NXPH2: variants seen among roughly 807,000 people sequenced by gnomAD.
The protein encoded by NXPH2 is neurexophilin 2.
A neutral mutation model predicts 19.8 loss-of-function variants in NXPH2; 5 were observed. That is an observed-to-expected ratio of 0.25 (90% CI 0.13 to 0.53). The LOEUF is 0.53. NXPH2 is among the 20% of genes least tolerant of loss of function. The probability of loss-of-function intolerance (pLI) is 0.96; values close to 1 mark genes in which losing one functional copy is unlikely to be tolerated. For missense variants in NXPH2, 289 were observed against 322.8 expected (o/e 0.90, Z 0.80); for synonymous variants, 154 against 127.4 (o/e 1.21, Z -1.41).
At chr2:138,674,219 T>A (rs868558537) in intron 1 of NXPH2, among the ~76,000 whole-genome samples, 1 of 152,066 alleles carries the variant, frequency 6.6e-6, no homozygotes, top group African/African-American at 2.4e-5. Flanking sequence ...AGTGGTGCAA[T>A]CTCAGCTTAC....
intron 1 of NXPH2, among the ~76,000 whole-genome samples, chr2:138,703,297 T>C (rs902762352): frequency 6.6e-6 from 1 of 152,176 alleles, no homozygotes; most frequent in Non-Finnish European, 1.5e-5. Context: ...ACATACCCTC[T>C]GAGAGTCTAA....
Position 138,780,257 on chromosome 2 carries a change from G to T in NXPH2, c.-16C>A. On this transcript the variant is annotated 5_prime_UTR_variant, in exon 1 of 2. Coordinates refer to ENST00000272641, the MANE Select transcript of NXPH2 (RefSeq NM_007226.3). ...GCAGGCGCATGGTGCCGGCTGGCGC[G>T]GCTTTTCACGAGCTGCGCGCCCTCG... is the stretch of plus-strand genomic sequence containing the variant. The T allele has an allele frequency of 2.1e-6, 3 of 1,421,616 alleles. No homozygotes were observed. The highest frequency in any genetic ancestry group is 1.5e-5 in the South Asian group (1 of 66,558). The allele number at this position is 1,421,616 out of a possible 1,614,324, so 88.1% of individuals were successfully genotyped here. A position where few individuals can be genotyped will look rare whatever the true frequency, so the allele number is the denominator to read the frequency against.
chr2:138,741,369 G>A (rs1681639433), intron 1 of NXPH2, among the ~76,000 whole-genome samples: 1 of 152,190 alleles, frequency 6.6e-6, no homozygotes. Flanking sequence ...GCTCAGAAAT[G>A]CTGGTGGAAG....
intron 1 of NXPH2, among the ~76,000 whole-genome samples, chr2:138,687,729 A>G (rs1680682949): frequency 6.6e-6 from 1 of 152,210 alleles, no homozygotes; most frequent in East Asian, 1.9e-4. Flanking sequence ...GGTGTAAGGA[A>G]GGGATCAAGT....
Position 138,669,872 on chromosome 2 carries a change from A to G in NXPH2, c.*1050T>C, listed in dbSNP as rs917875819. Among the ~76,000 whole-genome samples, 10 of 152,236 alleles carry G rather than the reference A, an allele frequency of 6.6e-5. No homozygotes were observed. ...GCACTTAATAATTAGAAATGTTTAA[A>G]TATAACTCTCTATTTCCACATAGAG... On this transcript the variant is annotated 3_prime_UTR_variant, in exon 2 of 2. Transcript: ENST00000272641.
At chr2:138,756,609 C>T (rs1267101153) in intron 1 of NXPH2, among the ~76,000 whole-genome samples, 3 of 152,084 alleles carry the variant, frequency 2.0e-5, no homozygotes, top group Admixed American at 2.0e-4. Context: ...TATCAATCCA[C>T]AATAATAATT....
intron 1 of NXPH2, among the ~76,000 whole-genome samples, chr2:138,777,196 T>A (rs1458432387): frequency 6.6e-6 from 1 of 152,118 alleles, no homozygotes. Flanking sequence ...AGTCTTTACC[T>A]TGTATCATGA....
At chr2:138,777,831 TAAAA>T (rs11299940) in intron 1 of NXPH2, among the ~76,000 whole-genome samples, 2,589 of 92,996 alleles carry the variant, frequency 0.028, 83 homozygotes, top group African/African-American at 0.1. Flanking sequence ...ACCAAAAAAT[TAAAA>T]AAAAAAAAAA....
chr2:138,746,923 C>G (rs1681746456), intron 1 of NXPH2, among the ~76,000 whole-genome samples: 1 of 152,072 alleles, frequency 6.6e-6, no homozygotes, highest in Non-Finnish European at 1.5e-5. Flanking sequence ...AAACGCAGTG[C>G]CTGGCCCTGA....
At chr2:138,724,386 G>A (rs1249412849) in intron 1 of NXPH2, among the ~76,000 whole-genome samples, 1 of 152,202 alleles carries the variant, frequency 6.6e-6, no homozygotes, top group Admixed American at 6.5e-5. Context: ...AGGATGTGAT[G>A]AGGCTATGGG....
At chr2:138,769,628 T>C (rs1372930657) in intron 1 of NXPH2, among the ~76,000 whole-genome samples, 9 of 152,114 alleles carry the variant, frequency 5.9e-5, no homozygotes, top group Non-Finnish European at 1.5e-5. Flanking sequence ...CTGAAGTTTT[T>C]TCCCCATGTG....
intron 1 of NXPH2, among the ~76,000 whole-genome samples, chr2:138,765,603 TA>T (rs1336701164): frequency 6.6e-6 from 1 of 152,192 alleles, no homozygotes; most frequent in African/African-American, 2.4e-5. Context: ...TACATTTCAG[TA>T]AACTTGAAAA....
chr2:138,727,279 T>C (rs1206013935), intron 1 of NXPH2, among the ~76,000 whole-genome samples: 1 of 152,222 alleles, frequency 6.6e-6, no homozygotes, highest in Non-Finnish European at 1.5e-5. Context: ...TCAACTTATC[T>C]GGATAAATAT....
intron 1 of NXPH2, among the ~76,000 whole-genome samples, chr2:138,716,755 G>T (rs1409506236): frequency 6.6e-6 from 1 of 152,140 alleles, no homozygotes; most frequent in Non-Finnish European, 1.5e-5. Context: ...TGACACAGTG[G>T]AAAAAATACT....
At chr2:138,764,924 TAAG>T (rs1257551357) in intron 1 of NXPH2, among the ~76,000 whole-genome samples, 1 of 152,204 alleles carries the variant, frequency 6.6e-6, no homozygotes, top group African/African-American at 2.4e-5. Flanking sequence ...AGTGGATGTA[TAAG>T]AATATGAATG....
intron 1 of NXPH2, among the ~76,000 whole-genome samples, chr2:138,735,693 A>C (rs1471375095): frequency 6.6e-6 from 1 of 152,158 alleles, no homozygotes; most frequent in Non-Finnish European, 1.5e-5. Context: ...AGTCCCCCAA[A>C]GTCTTAACTC....
intron 1 of NXPH2, among the ~76,000 whole-genome samples, chr2:138,723,475 T>A (rs1437612522): frequency 5.9e-5 from 9 of 152,290 alleles, no homozygotes; most frequent in African/African-American, 1.9e-4. Flanking sequence ...CTGAGTGAAG[T>A]TTTTATGTTA....
At chr2:138,672,476 C>A (rs2104963561) in intron 1 of NXPH2, among the ~76,000 whole-genome samples, 1 of 152,094 alleles carries the variant, frequency 6.6e-6, no homozygotes, top group Non-Finnish European at 1.5e-5. Context: ...TTTGATTTTT[C>A]TTTTTATTCT....
chr2:138,717,699 C>T (rs773420894), intron 1 of NXPH2, among the ~76,000 whole-genome samples: 3 of 151,530 alleles, frequency 2.0e-5, no homozygotes, highest in Non-Finnish European at 2.9e-5. Context: ...GAAATATGAA[C>T]AAAAGATCAA....
Sources: gnomAD v4.1 joint callset for allele counts (sites outside exome capture counted in the v4.1 genomes callset) on GRCh38, gnomAD v4.1.1 for gene constraint, MANE v1.5 for transcripts, NCBI Gene and HGNC (gene_info 2026-07-23, HGNC 2026-07-21) for gene names.